Variants in MFSD2A observed in about 807,000 individuals in gnomAD.
MFSD2A encodes MFSD2 lysolipid transporter A, lysophospholipid, also known as sodium-dependent lysophosphatidylcholine symporter 1.
A neutral mutation model predicts 64.7 loss-of-function variants in MFSD2A; 27 were observed. The observed-to-expected ratio is 0.42, with a 90% confidence interval of 0.31 to 0.58. MFSD2A has a LOEUF of 0.58. Ranked by LOEUF, MFSD2A falls within the 20% of genes least tolerant of loss-of-function variation. The probability of loss-of-function intolerance (pLI) is 0.18; values close to 1 mark genes in which losing one functional copy is unlikely to be tolerated. For synonymous variants in MFSD2A, 258 were observed against 273.4 expected (o/e 0.94, Z 0.55); for missense variants, 474 against 679.5 (o/e 0.70, Z 3.36).
chr1:39,957,000 G>T, intron 1 of MFSD2A, 87 bp from the exon 2 acceptor site: 2 of 1,469,614 alleles, frequency 1.4e-6, no homozygotes, highest in Non-Finnish European at 9.4e-7. Flanking sequence ...TTCTGGTAGA[G>T]CTGGCCAGAG....
intron 13 of MFSD2A, among the ~76,000 whole-genome samples, chr1:39,969,158 A>T (rs914487520): frequency 6.6e-6 from 1 of 152,226 alleles, no homozygotes; most frequent in Non-Finnish European, 1.5e-5. Context: ...GAGCCTCAGC[A>T]TTCCGGCTCC....
chr1:39,962,549 G>A, intron 3 of MFSD2A: 1 of 594,836 alleles, frequency 1.7e-6, no homozygotes, highest in Non-Finnish European at 3.0e-6. Context: ...AACACCAAAT[G>A]GCGGATGACA....
In MFSD2A at chr1:39,965,191, C is replaced by T. The variant is rs565674154; in HGVS notation, c.354-20C>T. The T allele has an allele frequency of 1.2e-6, 2 of 1,613,814 alleles. No homozygotes were observed. Among genetic ancestry groups the T allele is most frequent in the East Asian group, 4.5e-5 (2 of 44,874 alleles). ...TGGGCTCCAGCCTCCAGCCTCCACT[C>T]ACACCCTCCTCTTCCTCAGGATCAT... On this transcript the variant is annotated intron_variant, in intron 3 of 13. Coordinates refer to ENST00000372811, the MANE Select transcript of MFSD2A (RefSeq NM_032793.5). This position sits in a 1 kb window ranked among gnomAD's most constrained non-coding sequence, Gnocchi z 5.5.
chr1:39,963,106 G>C lies in MFSD2A; in HGVS notation c.354-2105G>C. 1 of 1,356,628 alleles carries C rather than the reference G, an allele frequency of 7.4e-7. No homozygotes were observed. Among genetic ancestry groups the C allele is most frequent in the Non-Finnish European group, 1.0e-6 (1 of 976,222 alleles). 84.0% of individuals were successfully genotyped at this position (1,356,628 alleles called of 1,614,324 possible). On this transcript the variant is annotated intron_variant, in intron 3 of 13. Coordinates refer to ENST00000372811, the MANE Select transcript of MFSD2A (RefSeq NM_032793.5). This position sits in a 1 kb window ranked among gnomAD's most constrained non-coding sequence, Gnocchi z 4.2. ...ACCGTCCCTTGCAAGGTGACAGGCC[G>C]CTGCGGCTCTGTGCTGGTGCGTCTC... is the stretch of plus-strand genomic sequence containing the variant.
chr1:39,956,413 G>A (rs556220680), intron 1 of MFSD2A, among the ~76,000 whole-genome samples: 18 of 152,338 alleles, frequency 1.2e-4, no homozygotes, highest in African/African-American at 4.3e-4. Context: ...CTGAGGCAGG[G>A]TGGGAGCCTG....
chr1:39,965,061 C>T lies in MFSD2A; in HGVS notation c.354-150C>T. ...TGGTCATCAGCCTCTTCCCAGAGGCCCAGGATGGGTGGATTTGGCAGGAGT... is the reference window on the plus strand; with the variant it reads ...TGGTCATCAGCCTCTTCCCAGAGGCTCAGGATGGGTGGATTTGGCAGGAGT... On this transcript the variant is annotated intron_variant, in intron 3 of 13. Coordinates refer to ENST00000372811, the MANE Select transcript of MFSD2A (RefSeq NM_032793.5). This position sits in a 1 kb window ranked among gnomAD's most constrained non-coding sequence, Gnocchi z 5.5. 1 of 1,102,300 alleles carries T rather than the reference C, an allele frequency of 9.1e-7. No individual in the cohort carries two copies. Among genetic ancestry groups the T allele is most frequent in the South Asian group, 1.6e-5 (1 of 63,822 alleles). The allele number at this position is 1,102,300 out of a possible 1,614,324, so 68.3% of individuals were successfully genotyped here.
chr1:39,964,746 GGTGTGTGTGAATGGGGTGTGT>G lies in MFSD2A; in HGVS notation c.354-451_354-431del, dbSNP rs1346827636. 13 of 170,606 alleles carry G rather than the reference GGTGTGTGTGAATGGGGTGTGT, an allele frequency of 7.6e-5. No homozygotes were observed. The highest frequency in any genetic ancestry group is 1.3e-4 in the South Asian group (1 of 7,614). 10.6% of individuals were successfully genotyped at this position (170,606 alleles called of 1,614,324 possible). On this transcript the variant is annotated intron_variant, in intron 3 of 13. Transcript: ENST00000372811. This position sits in a 1 kb window ranked among gnomAD's most constrained non-coding sequence, Gnocchi z 4.1. The stretch of plus-strand genomic sequence containing the variant: ...GTGTGAATGATGTGTGTGTGAATGA[GGTGTGTGTGAATGGGGTGTGT>G]GTGTGTGTGAATGAGGTGTGTGTGT...
At position 39,965,883 on chromosome 1, in the gene MFSD2A, G is replaced by C. The variant is rs1343944939; in HGVS notation, c.583G>C (p.Val195Leu). Residue 195 changes from valine (V) to leucine (L), a missense_variant, in exon 6 of 14, where the codon GTG becomes CTG. Coordinates refer to ENST00000372811, the MANE Select transcript of MFSD2A (RefSeq NM_032793.5). The surrounding 1 kb of genome is among the most constrained non-coding windows in gnomAD (Gnocchi z 5.5). ...GATGACTGTGGAAGTGCTGGGCACA[G>C]TGCTGGGCACGGCGATCCAGGGACA... The part of the protein sequence containing the change: ...YRMTVEVLGT[V>L]LGTAIQGQIV... 2 of 1,614,068 alleles carry C rather than the reference G, an allele frequency of 1.2e-6. No homozygotes were observed. Among genetic ancestry groups the C allele is most frequent in the Non-Finnish European group, 1.7e-6 (2 of 1,180,044 alleles).
rs772714531 is a variant in MFSD2A at position 39,968,554 on chromosome 1, C to G, written c.1353-15C>G. 6.2e-7 allele frequency: 1 copy of G among 1,614,054 alleles called. No individual in the cohort carries two copies. Among genetic ancestry groups the G allele is most frequent in the Non-Finnish European group, 8.5e-7 (1 of 1,179,924 alleles). ...GCCCCATCTTCACCGTTCTCCTACCCCCTGGGTCCCATAGCTTTGCAGGGT... is the reference window on the plus strand; with the variant it reads ...GCCCCATCTTCACCGTTCTCCTACCGCCTGGGTCCCATAGCTTTGCAGGGT... On this transcript the variant is annotated splice_polypyrimidine_tract_variant and intron_variant, in intron 12 of 13. Coordinates refer to ENST00000372811, the MANE Select transcript of MFSD2A (RefSeq NM_032793.5). The surrounding 1 kb of genome is among the most constrained non-coding windows in gnomAD (Gnocchi z 4.4).
rs1005715445 is a variant in MFSD2A at position 39,962,791 on chromosome 1, A to G, written c.354-2420A>G. ...AAGATCAAGTCCCTGCAGGAGATCT[A>G]TCTCTTCTCTCTGCCCATTAAGGGA... On this transcript the variant is annotated intron_variant, in intron 3 of 13. Coordinates refer to ENST00000372811, the MANE Select transcript of MFSD2A (RefSeq NM_032793.5). 44 of 1,125,934 alleles carry G rather than the reference A, an allele frequency of 3.9e-5. 1 individual carries two copies. The highest frequency in any genetic ancestry group is 1.3e-4 in the Admixed American group (7 of 55,734). 69.7% of individuals were successfully genotyped at this position (1,125,934 alleles called of 1,614,324 possible).
Position 39,969,567 on chromosome 1 carries a change from A to G in MFSD2A, c.1592A>G (p.Ter531TrpextTer32), listed in dbSNP as rs1383592643. 4 of 1,608,934 alleles carry G rather than the reference A, an allele frequency of 2.5e-6. No homozygotes were observed. Among genetic ancestry groups the G allele is most frequent in the Non-Finnish European group, 3.4e-6 (4 of 1,177,850 alleles). ...TCCACAGAGCTGGCTAGCATCCTCT[A>G]GGGCCCGCCACGTTGCCCGAAGCCA... is the stretch of plus-strand genomic sequence containing the variant. ...TDSTELASIL[*>W] Residue 531 changes from the stop codon to tryptophan, a stop_lost, in exon 14 of 14, where the codon TAG becomes TGG. Transcript: ENST00000372811.
At position 39,958,208 on chromosome 1, in the gene MFSD2A, G is replaced by T. The variant is rs1358264070; in HGVS notation, c.229-493G>T. 6.6e-6 allele frequency among the ~76,000 whole-genome samples: 1 copy of T among 152,092 alleles called. No homozygotes were observed. Among genetic ancestry groups the T allele is most frequent in the Non-Finnish European group, 1.5e-5 (1 of 68,014 alleles). ...GGGCGGGGAGGGGGATAACTTGAGT[G>T]GGTAGTGACAAGTCCCTTTTTAAAA... On this transcript the variant is annotated intron_variant, in intron 2 of 13. Transcript: ENST00000372811. This position sits in a 1 kb window ranked among gnomAD's most constrained non-coding sequence, Gnocchi z 4.7.
chr1:39,959,327 A>T (rs1644988217), intron 3 of MFSD2A, among the ~76,000 whole-genome samples: 1 of 150,572 alleles, frequency 6.6e-6, no homozygotes, highest in African/African-American at 2.5e-5. Context: ...AACTCACTGC[A>T]GCCTAGAACT....
chr1:39,955,611 G>A lies in MFSD2A; in HGVS notation c.93+226G>A, dbSNP rs753508726. The A allele has an allele frequency of 2.9e-6, 2 of 692,886 alleles. No homozygotes were observed. The allele number at this position is 692,886 out of a possible 1,614,324, so 42.9% of individuals were successfully genotyped here. ...TCACCCGCACTCCACGCTCTGCGGAGAGGCTCTGCCGGCAGCCCCATGTGA... is the reference window on the plus strand; with the variant it reads ...TCACCCGCACTCCACGCTCTGCGGAAAGGCTCTGCCGGCAGCCCCATGTGA... On this transcript the variant is annotated intron_variant, in intron 1 of 13. Transcript: ENST00000372811. The surrounding 1 kb of genome is among the most constrained non-coding windows in gnomAD (Gnocchi z 5.9).
rs1645023911 is a variant in MFSD2A, at chr1:39,960,859, G to A, written c.353+2034G>A. Among the ~76,000 whole-genome samples, 1 of 152,216 alleles carries A rather than the reference G, an allele frequency of 6.6e-6. No individual in the cohort carries two copies. The highest frequency in any genetic ancestry group is 6.5e-5 in the Admixed American group (1 of 15,286). On this transcript the variant is annotated intron_variant, in intron 3 of 13. Coordinates refer to ENST00000372811, the MANE Select transcript of MFSD2A (RefSeq NM_032793.5). This position sits in a 1 kb window ranked among gnomAD's most constrained non-coding sequence, Gnocchi z 4.8. ...AAGTTGCTGGGGGCCCTTCAGGCTG[G>A]TTTCTGATCTAGCAGGTGCCTGTGT... is the stretch of plus-strand genomic sequence containing the variant.
chr1:39,955,156 C>T lies in MFSD2A; in HGVS notation c.-137C>T, dbSNP rs531791755. 1,189 of 600,718 alleles carry T rather than the reference C, an allele frequency of 2.0e-3. 2 individuals are homozygous for T. The highest frequency in any genetic ancestry group is 2.8e-3 in the Non-Finnish European group (1,098 of 399,080). 37.2% of individuals were successfully genotyped at this position (600,718 alleles called of 1,614,324 possible). On this transcript the variant is annotated 5_prime_UTR_variant, in exon 1 of 14. Coordinates refer to ENST00000372811, the MANE Select transcript of MFSD2A (RefSeq NM_032793.5). The surrounding 1 kb of genome is among the most constrained non-coding windows in gnomAD (Gnocchi z 5.9). ...AGGGGGCGTGCAGCAGAGTGCGTTC[C>T]TCGTCTGCCAGCCGGCTTGGCTAGC...
At position 39,965,830 on chromosome 1, in the gene MFSD2A, C is replaced by A. The variant is rs765563532; in HGVS notation, c.557-27C>A. On this transcript the variant is annotated intron_variant, in intron 5 of 13. Coordinates refer to ENST00000372811, the MANE Select transcript of MFSD2A (RefSeq NM_032793.5). This position sits in a 1 kb window ranked among gnomAD's most constrained non-coding sequence, Gnocchi z 5.5. ...TGGGCCCACAATCCATGAGGCCCCT[C>A]CAAAACACCTCCTTTTCTCCTGCCA... The A allele has an allele frequency of 8.7e-6, 14 of 1,612,172 alleles. No homozygotes were observed. The highest frequency in any genetic ancestry group is 1.7e-5 in the Admixed American group (1 of 59,986).
chr1:39,967,347 T>C (rs917030492), intron 9 of MFSD2A, 178 bp downstream of exon 9: 3 of 648,402 alleles, frequency 4.6e-6, no homozygotes, highest in Non-Finnish European at 8.0e-6. Flanking sequence ...AAGAAAGAGT[T>C]TGAGGTTAGA....
intron 11 of MFSD2A, 66 bp downstream of exon 11, chr1:39,967,982 T>G: frequency 2.0e-6 from 2 of 1,005,414 alleles, no homozygotes; most frequent in South Asian, 1.5e-5. Flanking sequence ...TGAAGCTCCT[T>G]AGGGAGAGTT....
Sources: gnomAD v4.1 joint callset for allele counts (sites outside exome capture counted in the v4.1 genomes callset) on GRCh38, gnomAD v4.1.1 for gene constraint, Gnocchi (gnomAD v3.1) non-coding constraint, MANE v1.5 for transcripts, NCBI Gene and HGNC (gene_info 2026-07-23, HGNC 2026-07-21) for gene names.